The following NRP1 variants were observed in gnomAD, a reference collection of about 807,000 sequenced individuals.
NRP1 encodes the protein neuropilin-1.
In NRP1, 35 loss-of-function variants were observed where a neutral mutation model predicts 106.7. The observed-to-expected ratio is 0.33, with a 90% CI of 0.25 to 0.43. NRP1 has a LOEUF of 0.43. Ranked by LOEUF, NRP1 falls within the 20% of genes least tolerant of loss-of-function variation. The pLI is 1.00. For missense variants in NRP1, 1,024 were observed against 1,170.4 expected (o/e 0.87, Z 1.83); for synonymous variants, 437 against 417.9 (o/e 1.05, Z -0.56).
chr10:33,189,918 C>T (rs1259356151), intron 13 of NRP1, among the ~76,000 whole-genome samples: 1 of 152,218 alleles, frequency 6.6e-6, no homozygotes, highest in East Asian at 1.9e-4. Context: ...GTCGGGCTCA[C>T]CCATCTCTCT....
At chr10:33,319,639 T>A (rs1393551608) in intron 2 of NRP1, among the ~76,000 whole-genome samples, 3 of 146,518 alleles carry the variant, frequency 2.0e-5, no homozygotes, top group Non-Finnish European at 4.5e-5. Flanking sequence ...CAGGCTGGAG[T>A]GCATTGGCAC....
intron 13 of NRP1, among the ~76,000 whole-genome samples, chr10:33,190,836 A>G (rs1183150402): frequency 6.6e-6 from 1 of 151,676 alleles, no homozygotes; most frequent in Admixed American, 6.6e-5. Context: ...ATGGCTGGTT[A>G]TTTCTTTATT....
At chr10:33,225,201 G>C (rs1312759841) in intron 7 of NRP1, among the ~76,000 whole-genome samples, 2 of 152,102 alleles carry the variant, frequency 1.3e-5, no homozygotes, top group African/African-American at 4.8e-5. Context: ...TCCGAGAGTG[G>C]GGGTTTCACT....
intron 2 of NRP1, among the ~76,000 whole-genome samples, chr10:33,328,254 G>A (rs1233426187): frequency 2.0e-5 from 3 of 152,188 alleles, no homozygotes; most frequent in Admixed American, 2.0e-4. Context: ...TACCCCACCT[G>A]ACACCATGAT....
chr10:33,199,968 C>T (rs574928322), intron 11 of NRP1, among the ~76,000 whole-genome samples: 4 of 152,196 alleles, frequency 2.6e-5, no homozygotes, highest in Non-Finnish European at 5.9e-5. Flanking sequence ...TCAACTGCAG[C>T]ACCAAGTCAT....
intron 7 of NRP1, 55 bp downstream of exon 7, chr10:33,226,079 A>G: frequency 6.3e-7 from 1 of 1,575,148 alleles, no homozygotes; most frequent in Non-Finnish European, 8.7e-7. Context: ...ACAAGTAAAA[A>G]TTGATCATCC....
intron 2 of NRP1, among the ~76,000 whole-genome samples, chr10:33,322,958 A>T (rs1341597520): frequency 1.3e-5 from 2 of 152,184 alleles, no homozygotes; most frequent in African/African-American, 4.8e-5. Flanking sequence ...GCAACTATTT[A>T]TTTGGGTTCT....
chr10:33,279,012 A>G (rs1473156775), intron 2 of NRP1, among the ~76,000 whole-genome samples: 3 of 152,236 alleles, frequency 2.0e-5, no homozygotes, highest in Non-Finnish European at 4.4e-5. Flanking sequence ...AAGAGATCCA[A>G]AATGGCTTTC....
chr10:33,188,343 A>T (rs2073321), intron 13 of NRP1, among the ~76,000 whole-genome samples: 50,489 of 151,938 alleles, frequency 0.33, 8,873 homozygotes, highest in East Asian at 0.63. Flanking sequence ...GCTCTCCCAT[A>T]GGACATCCTC....
At chr10:33,283,732 A>G (rs1346838416) in intron 2 of NRP1, among the ~76,000 whole-genome samples, 1 of 152,208 alleles carries the variant, frequency 6.6e-6, no homozygotes, top group African/African-American at 2.4e-5. Flanking sequence ...GATTGTAATG[A>G]TCTAGGTAAC....
At chr10:33,232,532 G>C (rs886946461) in intron 6 of NRP1, among the ~76,000 whole-genome samples, 1 of 151,562 alleles carries the variant, frequency 6.6e-6, no homozygotes, top group African/African-American at 2.4e-5. Flanking sequence ...CCCTCTGTGT[G>C]TGTGACAAAC....
At chr10:33,246,583 AACAC>A (rs59215824) in intron 6 of NRP1, among the ~76,000 whole-genome samples, 36 of 137,724 alleles carry the variant, frequency 2.6e-4, no homozygotes, top group Non-Finnish European at 3.8e-4. Context: ...AGTTGCAATA[AACAC>A]ACACACACAC....
intron 6 of NRP1, among the ~76,000 whole-genome samples, chr10:33,234,552 A>G (rs1331315): frequency 0.61 from 92,755 of 151,982 alleles, 29,710 homozygotes; most frequent in African/African-American, 0.81. Context: ...CCACTGAAAA[A>G]CAAAACTTTG....
At chr10:33,249,700 T>C (rs987889846) in intron 6 of NRP1, among the ~76,000 whole-genome samples, 1 of 152,104 alleles carries the variant, frequency 6.6e-6, no homozygotes, top group Admixed American at 6.5e-5. Context: ...CCACTGACAA[T>C]GAGGAAATTT....
intron 6 of NRP1, among the ~76,000 whole-genome samples, chr10:33,229,334 T>G (rs1434238820): frequency 6.6e-6 from 1 of 152,220 alleles, no homozygotes; most frequent in Non-Finnish European, 1.5e-5. Flanking sequence ...TAAAAATGGT[T>G]GCTCTGAACA....
chr10:33,180,108 G>C lies in NRP1; in HGVS notation c.2740C>G (p.Leu914Val). 6.2e-7 allele frequency: 1 copy of C among 1,614,188 alleles called. No individual in the cohort carries two copies. Among genetic ancestry groups the C allele is most frequent in the Admixed American group, 1.7e-5 (1 of 60,028 alleles). The change falls in exon 17 of 17, where the codon CTG (leucine) becomes GTG (valine). Residue 914 changes from leucine (L) to valine (V), a missense_variant. Around this residue, in one of 5 missense-constraint regions of NRP1, gnomAD observed 164 missense variants for 161.4 expected, o/e 1.02. Transcript: ENST00000374867. ...TCCGAATAAGTACTCTGTGTATTCAGTTTGTCTTTTTTCAACTTCACACCA... is the reference window on the plus strand; with the variant it reads ...TCCGAATAAGTACTCTGTGTATTCACTTTGTCTTTTTTCAACTTCACACCA... ...VDGVKLKKDK[L>V]NTQSTYSEA
At chr10:33,220,616 C>T (rs747006029) in intron 8 of NRP1, among the ~76,000 whole-genome samples, 1 of 152,152 alleles carries the variant, frequency 6.6e-6, no homozygotes, top group Non-Finnish European at 1.5e-5. Flanking sequence ...AATGGACAGG[C>T]TGGGCGCGGT....
intron 12 of NRP1, among the ~76,000 whole-genome samples, chr10:33,197,223 A>AC (rs762607701): frequency 2.0e-4 from 30 of 152,208 alleles, no homozygotes; most frequent in Non-Finnish European, 3.7e-4. Context: ...CACTGGAAAC[A>AC]CTGTTGTAAA....
rs183263163 is a variant in NRP1, at chr10:33,246,241, A to G, written c.981+7787T>C. ...CCCCAAATCATACCCTCCTTAAAAA[A>G]AAAAACACCTTAGAATTTAATCCAT... On this transcript the variant is annotated intron_variant, in intron 6 of 16. Transcript: ENST00000374867. 4.6e-4 allele frequency among the ~76,000 whole-genome samples: 70 copies of G among 152,048 alleles called. No homozygotes were observed. In the East Asian group the frequency reaches 0.011, roughly 24 times the overall value.
Sources: allele counts gnomAD v4.1 joint callset (sites outside exome capture counted in the v4.1 genomes callset), GRCh38; gene constraint gnomAD v4.1.1; regional missense constraint gnomAD v4.1.1; transcripts MANE v1.5; gene names NCBI Gene and HGNC (gene_info 2026-07-23, HGNC 2026-07-21).